The following ABCB1 variants were observed in gnomAD, a reference collection of about 807,000 sequenced individuals.
ABCB1 encodes the protein ATP-dependent translocase ABCB1.
A neutral mutation model predicts 142.0 loss-of-function variants in ABCB1; 69 were observed. The observed-to-expected ratio is 0.49, with a 90% CI of 0.40 to 0.59. ABCB1 has a LOEUF of 0.59. ABCB1 is among the 20% of genes least tolerant of loss of function. The pLI is 0.00. For synonymous variants in ABCB1, 532 were observed against 539.2 expected (o/e 0.99, Z 0.18); for missense variants, 1,326 against 1,554.7 (o/e 0.85, Z 2.47).
chr7:87,599,131 C>T (rs1027384647), intron 2 of ABCB1, among the ~76,000 whole-genome samples: 1 of 152,006 alleles, frequency 6.6e-6, no homozygotes, highest in African/African-American at 2.4e-5. Context: ...AGCTTGGTTT[C>T]TTATAATATT....
At chr7:87,581,133 T>C (rs1818489339) in intron 4 of ABCB1, among the ~76,000 whole-genome samples, 1 of 152,024 alleles carries the variant, frequency 6.6e-6, no homozygotes, top group South Asian at 2.1e-4. Context: ...ACCTTTTAAG[T>C]TTTATTAGAG....
intron 1 of ABCB1, chr7:87,628,785 G>T: frequency 1.7e-6 from 2 of 1,169,370 alleles, no homozygotes; most frequent in East Asian, 3.2e-5. Flanking sequence ...GGGCGTGCGG[G>T]GTGGCACGAG....
intron 7 of ABCB1, chr7:87,564,153 C>T (rs1563054484): frequency 2.2e-6 from 1 of 451,832 alleles, no homozygotes. Context: ...ACTTACACCC[C>T]TGAACTTAAA....
intron 3 of ABCB1, among the ~76,000 whole-genome samples, chr7:87,595,222 G>A (rs1819148988): frequency 6.6e-6 from 1 of 152,106 alleles, no homozygotes; most frequent in South Asian, 2.1e-4. Flanking sequence ...TCGAATTCTA[G>A]ATTTTCATCT....
chr7:87,706,893 T>C (rs1477432424), intron 1 of ABCB1, among the ~76,000 whole-genome samples: 1 of 152,172 alleles, frequency 6.6e-6, no homozygotes, highest in Non-Finnish European at 1.5e-5. Context: ...GAGGTAAAAC[T>C]GCTGATTGAT....
At chr7:87,553,983 G>T in intron 8 of ABCB1, 51 bp from the exon 9 acceptor site, 1 of 1,506,820 alleles carries the variant, frequency 6.6e-7, no homozygotes, top group Non-Finnish European at 9.2e-7. Flanking sequence ...AAAACATGTC[G>T]ATATAGCATG....
intron 1 of ABCB1, among the ~76,000 whole-genome samples, chr7:87,622,172 T>C (rs755608751): frequency 2.0e-5 from 3 of 152,100 alleles, no homozygotes; most frequent in East Asian, 1.9e-4. Context: ...ACTCACACCA[T>C]AGGTAAGGCA....
In ABCB1 at chr7:87,503,274, T is replaced by C. The variant is rs2117050641; in HGVS notation, c.*969A>G. Among the ~76,000 whole-genome samples the C allele has an allele frequency of 6.6e-6, 1 of 152,174 alleles. No homozygotes were observed. Among genetic ancestry groups the C allele is most frequent in the East Asian group, 1.9e-4 (1 of 5,190 alleles). On this transcript the variant is annotated 3_prime_UTR_variant, in exon 28 of 28. Transcript: ENST00000622132. The stretch of plus-strand genomic sequence containing the variant: ...ATAGTTTATAATGTTAATAATGCTT[T>C]TTGGCTAATTTAAAAAAATTTGTCG...
intron 4 of ABCB1, among the ~76,000 whole-genome samples, chr7:87,584,852 T>C (rs935847788): frequency 6.6e-6 from 1 of 152,006 alleles, no homozygotes; most frequent in Non-Finnish European, 1.5e-5. Flanking sequence ...AGCAAATCTC[T>C]TCCATCTTTC....
At chr7:87,647,180 G>A (rs1584993342) in intron 1 of ABCB1, among the ~76,000 whole-genome samples, 1 of 152,102 alleles carries the variant, frequency 6.6e-6, no homozygotes. Context: ...GAATGCCATA[G>A]GGTGGCATTT....
chr7:87,703,297 A>C (rs1200493422), intron 1 of ABCB1, among the ~76,000 whole-genome samples: 1 of 152,070 alleles, frequency 6.6e-6, no homozygotes, highest in African/African-American at 2.4e-5. Flanking sequence ...AAACTGATGA[A>C]GATATGTTCA....
At chr7:87,560,446 A>C (rs1187413248) in intron 8 of ABCB1, among the ~76,000 whole-genome samples, 13 of 152,214 alleles carry the variant, frequency 8.5e-5, no homozygotes, top group Non-Finnish European at 1.5e-4. Flanking sequence ...CCAGAACCAC[A>C]GAATCCCCTG....
At chr7:87,681,639 G>A in intron 1 of ABCB1, among the ~76,000 whole-genome samples, 1 of 150,580 alleles carries the variant, frequency 6.6e-6, no homozygotes, top group Non-Finnish European at 1.5e-5. Flanking sequence ...TGCTGGTGGA[G>A]GGTCTTGCCT....
In ABCB1 at chr7:87,585,596, T is replaced by A; in HGVS notation, c.202A>T (p.Met68Leu). 2 of 1,614,012 alleles carry A rather than the reference T, an allele frequency of 1.2e-6. No homozygotes were observed. Among genetic ancestry groups the A allele is most frequent in the Non-Finnish European group, 8.5e-7 (1 of 1,179,922 alleles). Residue 68 changes from methionine to leucine, a missense_variant, in exon 4 of 28, where the codon ATG becomes TTG. Coordinates refer to ENST00000622132, the MANE Select transcript of ABCB1 (RefSeq NM_001348946.2). The part of the protein sequence containing the change: ...AIIHGAGLPL[M>L]MLVFGEMTDI... ...GTCATTTCTCCAAACACCAGCATCA[T>A]GAGAGGAAGTCCAGCCCCATGGATG...
At chr7:87,653,341 A>G (rs1007579221) in intron 1 of ABCB1, among the ~76,000 whole-genome samples, 2 of 152,132 alleles carry the variant, frequency 1.3e-5, no homozygotes, top group African/African-American at 2.4e-5. Context: ...TGTTGAAGCC[A>G]GGTTGGAGAA....
At chr7:87,702,142 C>CA (rs146127516) in intron 1 of ABCB1, among the ~76,000 whole-genome samples, 6,482 of 16,644 alleles carry the variant, frequency 0.39, 2,648 homozygotes, top group Non-Finnish European at 0.55. Context: ...GACTCTGTCT[C>CA]AAAAAAAAAA....
rs544701527 is a variant in ABCB1, at chr7:87,550,073, G to T, written c.1351-19C>A. On this transcript the variant is annotated intron_variant, in intron 12 of 27. Transcript: ENST00000622132. Reference sequence around the variant, plus strand: ...CACTGACCTGGAATAAAAAGTAAGTGTGACTTTCATACATTTGTAATTGAA... The same window carrying T: ...CACTGACCTGGAATAAAAAGTAAGTTTGACTTTCATACATTTGTAATTGAA... 2.5e-6 allele frequency: 4 copies of T among 1,614,006 alleles called. No homozygotes were observed. The Admixed American group carries it at 6.7e-5, about 27-fold the overall frequency.
chr7:87,644,558 T>C (rs915703756), intron 1 of ABCB1, among the ~76,000 whole-genome samples: 15 of 152,224 alleles, frequency 9.9e-5, no homozygotes, highest in Non-Finnish European at 1.8e-4. Flanking sequence ...TGAAATGTGA[T>C]GATTCTAGAT....
At chr7:87,665,101 C>A (rs1349979781) in intron 1 of ABCB1, among the ~76,000 whole-genome samples, 1 of 151,974 alleles carries the variant, frequency 6.6e-6, no homozygotes, top group Admixed American at 6.6e-5. Context: ...CTAGCTAGAG[C>A]AATTATGCAA....
Sources: allele counts gnomAD v4.1 joint callset (sites outside exome capture counted in the v4.1 genomes callset), GRCh38; gene constraint gnomAD v4.1.1; transcripts MANE v1.5; gene names NCBI Gene and HGNC (gene_info 2026-07-23, HGNC 2026-07-21).